LPP: variants seen among roughly 807,000 people sequenced by gnomAD.
LPP encodes LIM domain containing preferred translocation partner in lipoma.
Under a neutral mutation model 60.4 loss-of-function variants are expected in LPP, and 38 were observed. The observed-to-expected ratio is 0.63, with a 90% CI of 0.49 to 0.83. The LOEUF (loss-of-function observed/expected upper bound fraction) is 0.83, where lower values mean the gene tolerates loss of function less well. Ranked by LOEUF, LPP falls within the 40% of genes least tolerant of loss-of-function variation. The probability of loss-of-function intolerance (pLI) is 0.00; values close to 1 mark genes in which losing one functional copy is unlikely to be tolerated. For missense variants in LPP, 902 were observed against 783.6 expected, an observed-to-expected ratio of 1.15 and a Z score of -1.80; for synonymous variants, 328 against 290.8, an observed-to-expected ratio of 1.13 and a Z score of -1.30.
chr3:188,622,749 G>A (rs905186616), intron 7 of LPP, among the ~76,000 whole-genome samples: 1 of 152,032 alleles, frequency 6.6e-6, no homozygotes, highest in Non-Finnish European at 1.5e-5. Context: ...AGAGAGCTGG[G>A]CCAGGCACAG....
At chr3:188,646,012 A>T (rs1851044664) in intron 7 of LPP, among the ~76,000 whole-genome samples, 1 of 152,178 alleles carries the variant, frequency 6.6e-6, no homozygotes, top group Non-Finnish European at 1.5e-5. Flanking sequence ...AAATCTAAAC[A>T]GAGAAATAAA....
chr3:188,200,245 ATT>A (rs532406589), intron 1 of LPP, among the ~76,000 whole-genome samples: 7,366 of 139,752 alleles, frequency 0.053, 187 homozygotes, highest in South Asian at 0.13. Flanking sequence ...GGGTTTAAGA[ATT>A]TTTTTTTTTT....
intron 4 of LPP, among the ~76,000 whole-genome samples, chr3:188,475,849 G>A (rs1803042240): frequency 6.6e-6 from 1 of 152,164 alleles, no homozygotes; most frequent in African/African-American, 2.4e-5. Flanking sequence ...CTTGCAGTGA[G>A]CCGAGATTGC....
chr3:188,495,084 T>TATATATATATATATATATATATATATA (rs61034825), intron 5 of LPP, among the ~76,000 whole-genome samples: 1 of 15,506 alleles, frequency 6.4e-5, no homozygotes, highest in Non-Finnish European at 3.2e-4. Context: ...ATATATATAT[T>TATATATATATATATATATATATATATA]TTATTTATAT....
chr3:188,287,294 C>T (rs989606375), intron 2 of LPP, among the ~76,000 whole-genome samples: 8 of 152,202 alleles, frequency 5.3e-5, no homozygotes, highest in Non-Finnish European at 7.3e-5. Context: ...GGCTTGCCAT[C>T]CCCCGCCCCG....
At chr3:188,183,964 T>C in intron 1 of LPP, among the ~76,000 whole-genome samples, 1 of 152,120 alleles carries the variant, frequency 6.6e-6, no homozygotes, top group Non-Finnish European at 1.5e-5. Flanking sequence ...GGACCTATGG[T>C]AGCAGATGTC....
intron 2 of LPP, among the ~76,000 whole-genome samples, chr3:188,329,009 T>G (rs1420176025): frequency 6.6e-6 from 1 of 152,194 alleles, no homozygotes; most frequent in Non-Finnish European, 1.5e-5. Context: ...CTGCAACAGT[T>G]TTTTTACCCA....
intron 7 of LPP, among the ~76,000 whole-genome samples, chr3:188,666,804 G>A (rs1224308478): frequency 6.6e-6 from 1 of 152,166 alleles, no homozygotes; most frequent in African/African-American, 2.4e-5. Context: ...GCTGCAGGGA[G>A]AAAGAGGAGA....
chr3:188,533,868 T>C (rs1176913546), intron 6 of LPP, among the ~76,000 whole-genome samples: 1 of 152,212 alleles, frequency 6.6e-6, no homozygotes. Context: ...TTTTAGATGG[T>C]ATATAATTGC....
At chr3:188,276,669 GTCTCTCTCTC>G (rs750060555) in intron 2 of LPP, among the ~76,000 whole-genome samples, 2 of 100,050 alleles carry the variant, frequency 2.0e-5, no homozygotes, top group Non-Finnish European at 4.5e-5. Flanking sequence ...CTCCAACTCT[GTCTCTCTCTC>G]TCTCTCTCTC....
rs371167032 is a variant in LPP, at chr3:188,365,382, T to C, written c.-10+23663T>C. Reference sequence around the variant, plus strand: ...GTATGTGGTGAATGTGTTTCCACGCTGTGTCTGTCTCGCCTCTGCTCTCTG... The same window carrying C: ...GTATGTGGTGAATGTGTTTCCACGCCGTGTCTGTCTCGCCTCTGCTCTCTG... On this transcript the variant is annotated intron_variant, in intron 3 of 11. Transcript: ENST00000617246. Among the ~76,000 whole-genome samples, 28 of 152,358 alleles carry C rather than the reference T, an allele frequency of 1.8e-4. No homozygotes were observed. The South Asian group carries it at 5.2e-3, about 28-fold the overall frequency.
At chr3:188,773,467 C>T (rs903251926) in intron 9 of LPP, among the ~76,000 whole-genome samples, 5 of 152,074 alleles carry the variant, frequency 3.3e-5, no homozygotes, top group Non-Finnish European at 7.4e-5. Context: ...AATTGGATGG[C>T]TGCACTGAGG....
intron 9 of LPP, among the ~76,000 whole-genome samples, chr3:188,795,751 T>C (rs1285341759): frequency 6.6e-6 from 1 of 152,196 alleles, no homozygotes; most frequent in Non-Finnish European, 1.5e-5. Context: ...CAGCATACTT[T>C]CCTGCAATTT....
chr3:188,790,645 A>C (rs1743375885), intron 9 of LPP, among the ~76,000 whole-genome samples: 1 of 151,974 alleles, frequency 6.6e-6, no homozygotes, highest in Non-Finnish European at 1.5e-5. Context: ...ACATGGTGAA[A>C]CCCTTGTCTC....
intron 9 of LPP, among the ~76,000 whole-genome samples, chr3:188,796,309 A>G (rs1479576803): frequency 6.6e-6 from 1 of 152,198 alleles, no homozygotes; most frequent in African/African-American, 2.4e-5. Context: ...GAGCTCAGAG[A>G]CTGAGGGAGA....
chr3:188,843,604 G>A (rs1418946486), intron 9 of LPP, among the ~76,000 whole-genome samples: 2 of 150,950 alleles, frequency 1.3e-5, no homozygotes, highest in African/African-American at 4.9e-5. Context: ...CGGCTAAAAC[G>A]GTGAAACCCC....
intron 7 of LPP, among the ~76,000 whole-genome samples, chr3:188,624,298 A>T (rs77310961): frequency 0.043 from 6,495 of 152,328 alleles, 275 homozygotes; most frequent in African/African-American, 0.11. Flanking sequence ...GGAAAAAGGA[A>T]ATGTTAAAAT....
chr3:188,580,287 A>G (rs1835774437), intron 6 of LPP, among the ~76,000 whole-genome samples: 1 of 152,096 alleles, frequency 6.6e-6, no homozygotes, highest in African/African-American at 2.4e-5. Flanking sequence ...AATTATAATT[A>G]TAGGCAGATA....
chr3:188,840,819 C>A (rs1560279915), intron 9 of LPP, among the ~76,000 whole-genome samples: 2 of 152,174 alleles, frequency 1.3e-5, no homozygotes, highest in Non-Finnish European at 2.9e-5. Context: ...TATGCCAGTA[C>A]TAGCCTGTTC....
Sources: allele counts gnomAD v4.1 joint callset (sites outside exome capture counted in the v4.1 genomes callset), GRCh38; gene constraint gnomAD v4.1.1; transcripts MANE v1.5; gene names NCBI Gene and HGNC (gene_info 2026-07-23, HGNC 2026-07-21).